Variants in GMCL1 observed in about 807,000 individuals in gnomAD.
The protein encoded by GMCL1 is germ cell-less protein-like 1.
A neutral mutation model predicts 75.5 loss-of-function variants in GMCL1; 54 were observed. The ratio of observed to expected loss-of-function variants is 0.71; its 90% CI spans 0.57 to 0.90. The LOEUF is 0.90. GMCL1 is among the 40% of genes least tolerant of loss of function. GMCL1 has a pLI of 0.00. For synonymous variants in GMCL1, 210 were observed against 209.6 expected, an observed-to-expected ratio of 1.00 and a Z score of -0.02; for missense variants, 537 against 622.7, an observed-to-expected ratio of 0.86 and a Z score of 1.47.
chr2:69,840,453 A>C (rs1415780051), intron 3 of GMCL1, among the ~76,000 whole-genome samples: 1 of 152,132 alleles, frequency 6.6e-6, no homozygotes, highest in Non-Finnish European at 1.5e-5. Flanking sequence ...CATGTGGGAC[A>C]TTCATAACAG....
At position 69,837,550 on chromosome 2, in the gene GMCL1, A is replaced by G; in HGVS notation, c.264A>G (p.Lys88=). The G allele has an allele frequency of 6.5e-7, 1 of 1,538,234 alleles. No homozygotes were observed. Among genetic ancestry groups the G allele is most frequent in the Non-Finnish European group, 8.8e-7 (1 of 1,141,670 alleles). Residue 88 remains lysine, a synonymous_variant, in exon 2 of 14, where the codon AAA becomes AAG. Coordinates refer to ENST00000282570, the MANE Select transcript of GMCL1 (RefSeq NM_178439.5). ...QQRLLNTPRR[K]KLKSTSKYIY... ...ACTTTTTCATTTCTTTTAACAGGAAAAAATTAAAGAGTACATCTAAATATA... is the reference window on the plus strand; with the variant it reads ...ACTTTTTCATTTCTTTTAACAGGAAGAAATTAAAGAGTACATCTAAATATA...
At chr2:69,838,027 ACT>A (rs1307318749) in intron 2 of GMCL1, among the ~76,000 whole-genome samples, 1 of 152,104 alleles carries the variant, frequency 6.6e-6, no homozygotes, top group Admixed American at 6.5e-5. Flanking sequence ...AATTGGATAA[ACT>A]CATCTGAAAT....
intron 11 of GMCL1, 119 bp downstream of exon 11, chr2:69,865,094 T>C (rs1051566190): frequency 1.5e-6 from 1 of 661,272 alleles, no homozygotes; most frequent in Admixed American, 2.7e-5. Flanking sequence ...TTGATACACT[T>C]TCTGTAGCAT....
chr2:69,846,963 G>A (rs570910848), intron 6 of GMCL1, among the ~76,000 whole-genome samples: 1 of 151,266 alleles, frequency 6.6e-6, no homozygotes, highest in Non-Finnish European at 1.5e-5. Context: ...CTCCCGAGTA[G>A]CTGGGACTAC....
Position 69,869,729 on chromosome 2 carries a change from G to T in GMCL1, c.1229G>T (p.Arg410Leu). The stretch of plus-strand genomic sequence containing the variant: ...TCTTGTATTTTTTAGTACTGCTGGC[G>T]TTGGACAGGTTTTAACTTCGGCTTC... ...KLAKDGEYCW[R>L]WTGFNFGFDL... The change falls in exon 12 of 14, where the codon CGT becomes CTT. Residue 410 changes from arginine to leucine, a missense_variant. Physicochemically the swap from Arg to Leu is moderately radical, Grantham distance 102. This residue lies in a region of GMCL1 where 345 missense variants were observed against 410.5 expected (regional missense o/e 0.84). Transcript: ENST00000282570. 1 of 1,613,702 alleles carries T rather than the reference G, an allele frequency of 6.2e-7. No individual in the cohort carries two copies. Among genetic ancestry groups the T allele is most frequent in the South Asian group, 1.1e-5 (1 of 91,050 alleles).
rs1674853518 is a variant in GMCL1, at chr2:69,837,541, TA to T, written c.261-4del. On this transcript the variant is annotated splice_polypyrimidine_tract_variant and splice_region_variant and intron_variant, in intron 1 of 13. Coordinates refer to ENST00000282570, the MANE Select transcript of GMCL1 (RefSeq NM_178439.5). Reference sequence around the variant, plus strand: ...AAATATGTGACTTTTTCATTTCTTTTAACAGGAAAAAATTAAAGAGTACATC... The same window carrying T: ...AAATATGTGACTTTTTCATTTCTTTTACAGGAAAAAATTAAAGAGTACATC... The T allele has an allele frequency of 6.6e-7, 1 of 1,521,522 alleles. No homozygotes were observed. Among genetic ancestry groups the T allele is most frequent in the Admixed American group, 2.1e-5 (1 of 47,550 alleles). The allele number at this position is 1,521,522 out of a possible 1,614,324, so 94.3% of individuals were successfully genotyped here. A position where few individuals can be genotyped will look rare whatever the true frequency, so the allele number is the denominator to read the frequency against.
chr2:69,830,053 G>C lies in GMCL1; in HGVS notation c.161G>C (p.Arg54Pro). The change falls in exon 1 of 14, where the codon CGG becomes CCG. Residue 54 changes from arginine to proline, a missense_variant. Arg to Pro is a moderately radical substitution (Grantham distance 103, BLOSUM62 -2). Transcript: ENST00000282570. The stretch of plus-strand genomic sequence containing the variant: ...TGTGCGGGCAGCCACAAGCGCAAGC[G>C]GAGCAGCGGGTCCTTCTGCTACTGT... ...CYCAGSHKRK[R>P]SSGSFCYCHP... 1 of 1,567,092 alleles carries C rather than the reference G, an allele frequency of 6.4e-7. No individual in the cohort carries two copies. The highest frequency in any genetic ancestry group is 8.7e-7 in the Non-Finnish European group (1 of 1,155,406).
chr2:69,835,228 T>C (rs10167142), intron 1 of GMCL1, among the ~76,000 whole-genome samples: 90,703 of 151,706 alleles, frequency 0.6, 29,650 homozygotes, highest in African/African-American at 0.87. Flanking sequence ...ACAAACAAAC[T>C]ATTCTTTGGT....
chr2:69,860,937 G>A (rs1054782300), intron 9 of GMCL1, among the ~76,000 whole-genome samples: 1 of 152,152 alleles, frequency 6.6e-6, no homozygotes, highest in Non-Finnish European at 1.5e-5. Flanking sequence ...CCGCCTCCTG[G>A]GTTCAAGCGA....
rs1164741959 is a variant in GMCL1, at chr2:69,881,315, C to T, written c.*2311C>T. 1 of 152,184 alleles carries T rather than the reference C, an allele frequency of 6.6e-6. No homozygotes were observed. Among genetic ancestry groups the T allele is most frequent in the East Asian group, 1.9e-4 (1 of 5,186 alleles). The allele number at this position is 152,184 out of a possible 1,614,324, so 9.4% of individuals were successfully genotyped here. A position where few individuals can be genotyped will look rare whatever the true frequency, so the allele number is the denominator to read the frequency against. On this transcript the variant is annotated 3_prime_UTR_variant, in exon 14 of 14. Transcript: ENST00000282570. Reference sequence around the variant, plus strand: ...CTTACCAAATATTTTTATGTGTTTCCAGAGTTCTTTTCAATAGAAATATTT... The same window carrying T: ...CTTACCAAATATTTTTATGTGTTTCTAGAGTTCTTTTCAATAGAAATATTT...
chr2:69,850,657 G>A (rs776485846), intron 8 of GMCL1, among the ~76,000 whole-genome samples: 3 of 152,084 alleles, frequency 2.0e-5, no homozygotes, highest in Non-Finnish European at 4.4e-5. Context: ...ATTGCACCAT[G>A]TATATACGTC....
In GMCL1 at chr2:69,829,684, G is replaced by A; in HGVS notation, c.-209G>A. ...CGCTTTGTTGCGAAAGCGAGGGGGC[G>A]AGGTGCTGCGGTGCTAGAGCGCGGC... On this transcript the variant is annotated 5_prime_UTR_variant, in exon 1 of 14. Transcript: ENST00000282570. 5.5e-6 allele frequency: 3 copies of A among 543,508 alleles called. No individual in the cohort carries two copies. The highest frequency in any genetic ancestry group is 6.8e-5 in the East Asian group (2 of 29,584). 33.7% of individuals were successfully genotyped at this position (543,508 alleles called of 1,614,324 possible).
intron 13 of GMCL1, among the ~76,000 whole-genome samples, chr2:69,873,146 C>A (rs772255066): frequency 6.6e-6 from 1 of 152,142 alleles, no homozygotes; most frequent in Non-Finnish European, 1.5e-5. Flanking sequence ...TCAGGGAAAA[C>A]ATCCTCTCCT....
rs546711509 is a variant in GMCL1 at position 69,875,517 on chromosome 2, G to T, written c.1453-3392G>T. On this transcript the variant is annotated intron_variant, in intron 13 of 13. Transcript: ENST00000282570. The stretch of plus-strand genomic sequence containing the variant: ...GTTTCCTTGCAAAAATTCCTATGGG[G>T]ATTTTAATTTATATGATTAAATATG... 1.3e-3 allele frequency among the ~76,000 whole-genome samples: 205 copies of T among 152,042 alleles called. 1 individual carries two copies. The highest frequency in any genetic ancestry group is 2.2e-3 in the Non-Finnish European group (149 of 67,976).
rs185361480 is a variant in GMCL1 at position 69,860,929 on chromosome 2, G to A, written c.1073-349G>A. ...ATGATCTTGGCTCCCTGCAACCTCC[G>A]CCTCCTGGGTTCAAGCGATTCTCCC... On this transcript the variant is annotated intron_variant, in intron 9 of 13. Transcript: ENST00000282570. 1.2e-3 allele frequency among the ~76,000 whole-genome samples: 176 copies of A among 152,132 alleles called. 1 individual carries two copies. Among genetic ancestry groups the A allele is most frequent in the Non-Finnish European group, 2.1e-3 (142 of 67,992 alleles).
intron 13 of GMCL1, among the ~76,000 whole-genome samples, chr2:69,874,008 A>C: frequency 6.6e-6 from 1 of 151,052 alleles, no homozygotes; most frequent in East Asian, 1.9e-4. Context: ...ATATATTCAC[A>C]GCATCATTTT....
rs1427712317 is a variant in GMCL1 at position 69,881,143 on chromosome 2, A to G, written c.*2139A>G. The G allele has an allele frequency of 6.6e-6, 1 of 152,238 alleles. No homozygotes were observed. The highest frequency in any genetic ancestry group is 2.4e-5 in the African/African-American group (1 of 41,464). The allele number at this position is 152,238 out of a possible 1,614,324, so 9.4% of individuals were successfully genotyped here. ...ATTGGATTTATATGTGGTTTCATCC[A>G]TTGGTTCTGTCCTGGCCAAGTTGCT... On this transcript the variant is annotated 3_prime_UTR_variant, in exon 14 of 14. Coordinates refer to ENST00000282570, the MANE Select transcript of GMCL1 (RefSeq NM_178439.5).
At chr2:69,851,716 G>A (rs1017663505) in intron 8 of GMCL1, among the ~76,000 whole-genome samples, 1 of 152,008 alleles carries the variant, frequency 6.6e-6, no homozygotes, top group Non-Finnish European at 1.5e-5. Context: ...GTGAGCCATG[G>A]CCACACACCA....
intron 11 of GMCL1, among the ~76,000 whole-genome samples, chr2:69,868,236 TAA>T (rs34189384): frequency 6.9e-6 from 1 of 145,764 alleles, no homozygotes; most frequent in African/African-American, 2.5e-5. Flanking sequence ...CCTGTCTCTT[TAA>T]AAAAAAAAAA....
Sources: allele counts gnomAD v4.1 joint callset (sites outside exome capture counted in the v4.1 genomes callset), GRCh38; gene constraint gnomAD v4.1.1; regional missense constraint gnomAD v4.1.1; transcripts MANE v1.5; gene names NCBI Gene and HGNC (gene_info 2026-07-23, HGNC 2026-07-21).